FAAH2: variants seen among roughly 807,000 people sequenced by gnomAD.
FAAH2 encodes fatty-acid amide hydrolase 2.
A neutral mutation model predicts 36.9 loss-of-function variants in FAAH2; 60 were observed. The ratio of observed to expected loss-of-function variants is 1.63; its 90% confidence interval spans 1.32 to 2.02. FAAH2 has a LOEUF of 2.02. Among genes scored for constraint, FAAH2 ranks in the 30% most tolerant of loss-of-function variants. The pLI is 0.00. For missense variants in FAAH2, 689 were observed against 397.5 expected (o/e 1.73, Z -6.23); for synonymous variants, 214 against 143.8 (o/e 1.49, Z -3.49).
chrX:57,223,790 T>A, the FAAH2 span, among the ~76,000 whole-genome samples: 1 of 111,993 alleles, frequency 8.9e-6, no homozygotes, highest in Non-Finnish European at 1.9e-5. Context: ...TGCATATAAT[T>A]CTCCGTTTTG....
the FAAH2 span, among the ~76,000 whole-genome samples, chrX:57,199,955 T>C: frequency 1.8e-5 from 2 of 111,878 alleles, no homozygotes; most frequent in African/African-American, 6.5e-5. Flanking sequence ...TTTTAATTTT[T>C]TTATTTTCAG....
chrX:57,235,083 ACT>A, the FAAH2 span, among the ~76,000 whole-genome samples: 1 of 109,629 alleles, frequency 9.1e-6, no homozygotes, highest in Admixed American at 9.8e-5. Flanking sequence ...ATGTGTGAAA[ACT>A]CTGTGCACAC....
chrX:57,329,627 A>T (rs2053339064), intron 3 of FAAH2, among the ~76,000 whole-genome samples: 1 of 104,077 alleles, frequency 9.6e-6, no homozygotes, highest in Non-Finnish European at 2.0e-5. Flanking sequence ...GACAAGGTCC[A>T]CACACACACA....
intron 7 of FAAH2, among the ~76,000 whole-genome samples, chrX:57,383,988 G>A: frequency 9.0e-6 from 1 of 111,513 alleles, no homozygotes; most frequent in Non-Finnish European, 1.9e-5. Flanking sequence ...ATAGCCCAAT[G>A]GAACAGAACA....
intron 8 of FAAH2, among the ~76,000 whole-genome samples, chrX:57,434,951 G>C (rs1207829087): frequency 9.0e-6 from 1 of 111,024 alleles, no homozygotes; most frequent in African/African-American, 3.3e-5. Context: ...TCGCAGGTCA[G>C]AAGAAAATGG....
intron 8 of FAAH2, among the ~76,000 whole-genome samples, chrX:57,437,103 T>C (rs1380647752): frequency 1.8e-5 from 2 of 111,461 alleles, no homozygotes; most frequent in East Asian, 5.6e-4. Flanking sequence ...AAGTGATATA[T>C]TACATAAACA....
intron 10 of FAAH2, among the ~76,000 whole-genome samples, chrX:57,469,162 C>T (rs1272882361): frequency 1.8e-5 from 2 of 112,034 alleles, no homozygotes; most frequent in African/African-American, 3.2e-5. Flanking sequence ...TTGTAAAGAC[C>T]TTCAAAGCTA....
chrX:57,173,286 T>C, the FAAH2 span, among the ~76,000 whole-genome samples: 1 of 112,290 alleles, frequency 8.9e-6, no homozygotes, highest in African/African-American at 3.2e-5. Context: ...CTTATAGAGA[T>C]TTTTCACTTC....
chrX:57,423,807 C>A (rs976522421), intron 7 of FAAH2, among the ~76,000 whole-genome samples: 1 of 111,029 alleles, frequency 9.0e-6, no homozygotes, highest in Non-Finnish European at 1.9e-5. Flanking sequence ...ACAACAGGAC[C>A]ACGCCCCCAG....
At chrX:57,137,317 G>A in the FAAH2 span, 2 of 759,370 alleles carry the variant, frequency 2.6e-6, no homozygotes, top group African/African-American at 4.5e-5. Flanking sequence ...GCGACTCGCT[G>A]AGTGACTGCT....
chrX:57,243,148 T>A, the FAAH2 span, among the ~76,000 whole-genome samples: 1 of 111,769 alleles, frequency 8.9e-6, no homozygotes, highest in African/African-American at 3.3e-5. Context: ...AAGTTCAAAC[T>A]GGGTGAAGCC....
chrX:57,317,826 A>G (rs2052889538), intron 3 of FAAH2, among the ~76,000 whole-genome samples: 1 of 112,251 alleles, frequency 8.9e-6, no homozygotes, highest in Admixed American at 9.5e-5. Context: ...CTCTCAGACC[A>G]CAGTGCAATC....
chrX:57,369,134 T>C (rs2054490546), intron 5 of FAAH2, among the ~76,000 whole-genome samples: 1 of 107,205 alleles, frequency 9.3e-6, no homozygotes, highest in Non-Finnish European at 1.9e-5. Context: ...GAAAGAATTT[T>C]TAAACTTGAG....
chrX:57,457,316 A>G (rs1005506812), intron 10 of FAAH2, among the ~76,000 whole-genome samples: 40 of 111,525 alleles, frequency 3.6e-4, no homozygotes, highest in African/African-American at 1.3e-3. Flanking sequence ...AGTAAAAGCC[A>G]TCTACGACAA....
intron 2 of FAAH2, among the ~76,000 whole-genome samples, chrX:57,300,096 G>GA (rs890474503): frequency 4.5e-5 from 5 of 111,333 alleles, no homozygotes; most frequent in African/African-American, 9.8e-5. Flanking sequence ...CACAGAATTG[G>GA]AAAAAACTAC....
At chrX:57,331,006 G>A (rs2146999862) in intron 3 of FAAH2, among the ~76,000 whole-genome samples, 1 of 110,710 alleles carries the variant, frequency 9.0e-6, no homozygotes, top group South Asian at 4.0e-4. Flanking sequence ...TGCTCAGATT[G>A]GACTGGACCT....
intron 10 of FAAH2, among the ~76,000 whole-genome samples, chrX:57,464,393 A>T (rs753356549): frequency 8.0e-4 from 88 of 110,642 alleles, no homozygotes; most frequent in Non-Finnish European, 1.4e-3. Flanking sequence ...CTGCACATTC[A>T]TCACATGCAT....
At chrX:57,302,864 G>A (rs1460892654) in intron 2 of FAAH2, among the ~76,000 whole-genome samples, 1 of 111,314 alleles carries the variant, frequency 9.0e-6, no homozygotes, top group Non-Finnish European at 1.9e-5. Context: ...AGAAGCAAGG[G>A]TAAGGATTTT....
chrX:57,428,848 C>T (rs1415549545), intron 7 of FAAH2, among the ~76,000 whole-genome samples: 1 of 111,955 alleles, frequency 8.9e-6, no homozygotes, highest in Non-Finnish European at 1.9e-5. Flanking sequence ...TGACAAAGAC[C>T]TTAAAAACAA....
Sources: allele counts gnomAD v4.1 joint callset (sites outside exome capture counted in the v4.1 genomes callset), GRCh38; gene constraint gnomAD v4.1.1; transcripts MANE v1.5; gene names NCBI Gene and HGNC (gene_info 2026-07-23, HGNC 2026-07-21).